The following EBF2 variants were observed in gnomAD, a reference collection of about 807,000 sequenced individuals.
The protein encoded by EBF2 is transcription factor COE2.
A neutral mutation model predicts 72.8 loss-of-function variants in EBF2; 21 were observed. The observed-to-expected ratio is 0.29, with a 90% CI of 0.20 to 0.42. EBF2 has a LOEUF of 0.42. Ranked by LOEUF, EBF2 falls within the 10% of genes least tolerant of loss-of-function variation. The pLI is 1.00. For missense variants in EBF2, 637 were observed against 731.2 expected (o/e 0.87, Z 1.49); for synonymous variants, 299 against 274.2 (o/e 1.09, Z -0.89).
chr8:25,972,205 T>C (rs1804201868), intron 6 of EBF2, among the ~76,000 whole-genome samples: 1 of 152,140 alleles, frequency 6.6e-6, no homozygotes, highest in African/African-American at 2.4e-5. Flanking sequence ...AGGCTCTCCC[T>C]GACAACAGCA....
chr8:25,950,625 C>T (rs1803845332), intron 6 of EBF2, among the ~76,000 whole-genome samples: 1 of 152,162 alleles, frequency 6.6e-6, no homozygotes, highest in Non-Finnish European at 1.5e-5. Context: ...TGACTAAAAA[C>T]AAAAAGATTG....
chr8:25,966,264 A>T (rs1327615333), intron 6 of EBF2, among the ~76,000 whole-genome samples: 3 of 152,200 alleles, frequency 2.0e-5, no homozygotes, highest in Non-Finnish European at 4.4e-5. Flanking sequence ...TTCACCTGGC[A>T]ATTTAAGAAC....
intron 10 of EBF2, among the ~76,000 whole-genome samples, chr8:25,872,897 G>T (rs897170829): frequency 6.6e-6 from 1 of 152,202 alleles, no homozygotes; most frequent in African/African-American, 2.4e-5. Flanking sequence ...GAGGAATTTA[G>T]ATAACACAGA....
At chr8:25,910,934 G>T (rs1322703474) in intron 6 of EBF2, among the ~76,000 whole-genome samples, 1 of 152,036 alleles carries the variant, frequency 6.6e-6, no homozygotes. Flanking sequence ...ATTATGGCCT[G>T]GATTTTTTAA....
intron 6 of EBF2, among the ~76,000 whole-genome samples, chr8:25,944,996 CA>C (rs1049591656): frequency 1.3e-5 from 2 of 151,928 alleles, no homozygotes; most frequent in Non-Finnish European, 2.9e-5. Context: ...AAAAGTAAAA[CA>C]AAGCAATGGA....
chr8:25,987,993 A>G (rs1373082307), intron 6 of EBF2, among the ~76,000 whole-genome samples: 1 of 152,186 alleles, frequency 6.6e-6, no homozygotes, highest in Non-Finnish European at 1.5e-5. Flanking sequence ...TTTTCATAAC[A>G]TAGGTGCATT....
chr8:26,043,398 G>T lies in EBF2; in HGVS notation c.132-1147C>A, dbSNP rs974445747. On this transcript the variant is annotated intron_variant, in intron 1 of 15. Coordinates refer to ENST00000520164, the MANE Select transcript of EBF2 (RefSeq NM_022659.4). ...CAGCTTCAACAAACTTTTTGATCCC[G>T]GGAAGGAAGGAAAGCGAGGGAGGCG... Among the ~76,000 whole-genome samples, 4 of 152,234 alleles carry T rather than the reference G, an allele frequency of 2.6e-5. No individual in the cohort carries two copies. The East Asian group carries it at 7.7e-4, about 29-fold the overall frequency.
In EBF2 at chr8:25,842,096, C is replaced by T. The variant is rs1801753715; in HGVS notation, c.*2513G>A. On this transcript the variant is annotated 3_prime_UTR_variant, in exon 16 of 16. Coordinates refer to ENST00000520164, the MANE Select transcript of EBF2 (RefSeq NM_022659.4). Reference sequence around the variant, plus strand: ...CCCTTTAAATGAAAAAAATCTTACACAGCTCCTCTTACAAACACAGGATAG... The same window carrying T: ...CCCTTTAAATGAAAAAAATCTTACATAGCTCCTCTTACAAACACAGGATAG... 6.6e-6 allele frequency: 1 copy of T among 152,182 alleles called. No homozygotes were observed. The highest frequency in any genetic ancestry group is 2.4e-5 in the African/African-American group (1 of 41,442). The allele number at this position is 152,182 out of a possible 1,614,324, so 9.4% of individuals were successfully genotyped here. A position where few individuals can be genotyped will look rare whatever the true frequency, so the allele number is the denominator to read the frequency against.
intron 6 of EBF2, among the ~76,000 whole-genome samples, chr8:25,953,852 C>T (rs775576888): frequency 2.6e-5 from 4 of 152,206 alleles, no homozygotes; most frequent in Non-Finnish European, 5.9e-5. Context: ...CAGAGATCAG[C>T]GGCTTAGTAG....
At chr8:25,916,416 A>G (rs986423072) in intron 6 of EBF2, among the ~76,000 whole-genome samples, 2 of 152,176 alleles carry the variant, frequency 1.3e-5, no homozygotes, top group African/African-American at 4.8e-5. Context: ...GTACAAAGTA[A>G]GTCTGCTTCT....
chr8:25,904,346 T>A (rs541024408), intron 7 of EBF2, among the ~76,000 whole-genome samples: 4 of 152,028 alleles, frequency 2.6e-5, no homozygotes, highest in African/African-American at 9.6e-5. Flanking sequence ...AAGAGAGGAT[T>A]GGTTCAAGCT....
intron 10 of EBF2, among the ~76,000 whole-genome samples, chr8:25,866,635 A>ATT (rs869254548): frequency 2.6e-5 from 2 of 77,128 alleles, no homozygotes; most frequent in East Asian, 2.9e-4. Context: ...ATATATATAT[A>ATT]TTTTTTTTTT....
At chr8:25,865,896 G>A (rs542134095) in intron 10 of EBF2, among the ~76,000 whole-genome samples, 1 of 151,764 alleles carries the variant, frequency 6.6e-6, no homozygotes, top group Non-Finnish European at 1.5e-5. Context: ...GTGGTGGCGG[G>A]TGCCTGTAGT....
chr8:25,984,334 A>C (rs558723220), intron 6 of EBF2, among the ~76,000 whole-genome samples: 108 of 152,210 alleles, frequency 7.1e-4, no homozygotes, highest in Admixed American at 2.6e-3. Context: ...ATATACCCCC[A>C]AAACCCAGGT....
intron 6 of EBF2, among the ~76,000 whole-genome samples, chr8:25,972,188 G>T (rs1313148069): frequency 2.0e-5 from 3 of 152,122 alleles, no homozygotes; most frequent in Non-Finnish European, 4.4e-5. Context: ...CAGGCCTCAC[G>T]TCAGACAGGC....
intron 6 of EBF2, among the ~76,000 whole-genome samples, chr8:26,026,095 T>C (rs1296389383): frequency 6.6e-6 from 1 of 152,146 alleles, no homozygotes; most frequent in East Asian, 1.9e-4. Flanking sequence ...GAGGATCACT[T>C]AAGCCCAGGA....
intron 6 of EBF2, among the ~76,000 whole-genome samples, chr8:25,982,208 A>G (rs1381737103): frequency 6.6e-6 from 1 of 152,164 alleles, no homozygotes; most frequent in Admixed American, 6.5e-5. Context: ...TTTCCCATAC[A>G]CCAATGTTCT....
chr8:25,885,225 TA>T (rs1228985800), intron 10 of EBF2, among the ~76,000 whole-genome samples: 81 of 152,188 alleles, frequency 5.3e-4, no homozygotes, highest in African/African-American at 1.9e-3. Context: ...TTTTTAACTT[TA>T]AAAAAATGTG....
intron 6 of EBF2, among the ~76,000 whole-genome samples, chr8:25,981,913 C>T (rs982900199): frequency 6.6e-6 from 1 of 151,988 alleles, no homozygotes; most frequent in African/African-American, 2.4e-5. Flanking sequence ...AATAATCTGA[C>T]AGTTAAATGC....
Sources: gnomAD v4.1 joint callset for allele counts (sites outside exome capture counted in the v4.1 genomes callset) on GRCh38, gnomAD v4.1.1 for gene constraint, MANE v1.5 for transcripts, NCBI Gene and HGNC (gene_info 2026-07-23, HGNC 2026-07-21) for gene names.